Variants in SLC39A10 observed in about 807,000 individuals in gnomAD.
SLC39A10 encodes solute carrier family 39 member 10.
A neutral mutation model predicts 65.1 loss-of-function variants in SLC39A10; 13 were observed. The observed-to-expected ratio is 0.20, with a 90% confidence interval of 0.13 to 0.32. The LOEUF (loss-of-function observed/expected upper bound fraction) is 0.32, where lower values mean the gene tolerates loss of function less well. SLC39A10 is among the 10% of genes least tolerant of loss of function. The probability of loss-of-function intolerance (pLI) is 1.00; values close to 1 mark genes in which losing one functional copy is unlikely to be tolerated. For synonymous variants in SLC39A10, 321 were observed against 342.2 expected, an observed-to-expected ratio of 0.94 and a Z score of 0.68; for missense variants, 831 against 1,018.4, an observed-to-expected ratio of 0.82 and a Z score of 2.50.
intron 2 of SLC39A10, among the ~76,000 whole-genome samples, chr2:195,639,518 A>G (rs971163399): frequency 6.6e-6 from 1 of 152,172 alleles, no homozygotes; most frequent in African/African-American, 2.4e-5. Flanking sequence ...GTACTTTTTC[A>G]AAGGAAGTCA....
chr2:195,651,422 G>A (rs895767121), intron 2 of SLC39A10, among the ~76,000 whole-genome samples: 1 of 152,180 alleles, frequency 6.6e-6, no homozygotes, highest in African/African-American at 2.4e-5. Context: ...TAGCTATTAA[G>A]TTTGAGGCCT....
chr2:195,613,577 C>G (rs1294165214), intron 2 of SLC39A10, among the ~76,000 whole-genome samples: 1 of 152,110 alleles, frequency 6.6e-6, no homozygotes, highest in Non-Finnish European at 1.5e-5. Flanking sequence ...TTTATTTTTG[C>G]TCCTATGAAT....
chr2:195,678,707 A>G (rs533357703), intron 1 of SLC39A10, among the ~76,000 whole-genome samples: 1 of 152,186 alleles, frequency 6.6e-6, no homozygotes, highest in East Asian at 1.9e-4. Context: ...TACAGTAGCC[A>G]GTAGCCACAC....
At position 195,716,739 on chromosome 2, in the gene SLC39A10, A is replaced by G. The variant is rs752683203; in HGVS notation, c.1799A>G (p.Glu600Gly). The G allele has an allele frequency of 7.4e-6, 12 of 1,614,208 alleles. No homozygotes were observed. The highest frequency in any genetic ancestry group is 1.0e-5 in the Non-Finnish European group (12 of 1,180,026). ...CCTCCTAAAAATTACCTTTGTATAG[A>G]AGAGGAGAAAATCATAGACCATTCT... is the stretch of plus-strand genomic sequence containing the variant. ...ESPPKNYLCI[E>G]EEKIIDHSHS... The change falls in exon 7 of 10, where the codon GAA becomes GGA. Residue 600 changes from glutamate to glycine, a missense_variant. By Grantham distance (98) the Glu-to-Gly change is moderately conservative. Coordinates refer to ENST00000359634, the MANE Select transcript of SLC39A10 (RefSeq NM_020342.3).
At chr2:195,714,741 T>C (rs1165465156) in intron 6 of SLC39A10, among the ~76,000 whole-genome samples, 4 of 152,222 alleles carry the variant, frequency 2.6e-5, no homozygotes, top group Non-Finnish European at 5.9e-5. Flanking sequence ...CCAAATTTAG[T>C]TATTCTGTAA....
intron 3 of SLC39A10, among the ~76,000 whole-genome samples, chr2:195,690,919 T>C (rs1690714440): frequency 6.6e-6 from 1 of 152,168 alleles, no homozygotes; most frequent in African/African-American, 2.4e-5. Context: ...ATAAGTTCTT[T>C]AGTGGTGATT....
intron 2 of SLC39A10, among the ~76,000 whole-genome samples, chr2:195,620,703 G>C (rs1203983055): frequency 6.6e-6 from 1 of 152,182 alleles, no homozygotes; most frequent in Non-Finnish European, 1.5e-5. Context: ...GCCCCTTCAA[G>C]AGCCATTCAT....
At chr2:195,733,604 CACCGCA>C (rs1328808228) in intron 9 of SLC39A10, among the ~76,000 whole-genome samples, 1 of 151,936 alleles carries the variant, frequency 6.6e-6, no homozygotes, top group Non-Finnish European at 1.5e-5. Flanking sequence ...AATCTTGGCT[CACCGCA>C]ACCTCCGCCT....
At chr2:195,690,945 C>T (rs1690715150) in intron 3 of SLC39A10, among the ~76,000 whole-genome samples, 1 of 152,020 alleles carries the variant, frequency 6.6e-6, no homozygotes, top group Admixed American at 6.6e-5. Context: ...GATTTTGTTG[C>T]ACCCATCACC....
At chr2:195,691,857 G>A (rs1282971849) in intron 3 of SLC39A10, among the ~76,000 whole-genome samples, 2 of 152,210 alleles carry the variant, frequency 1.3e-5, no homozygotes, top group East Asian at 3.8e-4. Flanking sequence ...CTGTGCAGAA[G>A]CTTTTTAGTT....
In SLC39A10 at chr2:195,677,041, A is replaced by C. The variant is rs556178039; in HGVS notation, c.-11-2991A>C. Among the ~76,000 whole-genome samples, 4 of 152,290 alleles carry C rather than the reference A, an allele frequency of 2.6e-5. No individual in the cohort carries two copies. The East Asian group carries it at 7.7e-4, about 29-fold the overall frequency. On this transcript the variant is annotated intron_variant, in intron 1 of 9. Coordinates refer to ENST00000359634, the MANE Select transcript of SLC39A10 (RefSeq NM_020342.3). Reference sequence around the variant, plus strand: ...ACCATACAATGTTGTTTATAATTACATTTTGTGATTGGTTTTCAGTGAAGA... The same window carrying C: ...ACCATACAATGTTGTTTATAATTACCTTTTGTGATTGGTTTTCAGTGAAGA...
intron 2 of SLC39A10, among the ~76,000 whole-genome samples, chr2:195,648,595 T>C (rs1212378829): frequency 6.6e-6 from 1 of 152,088 alleles, no homozygotes; most frequent in East Asian, 1.9e-4. Flanking sequence ...GGAGGATCAC[T>C]TGAGTTTGGG....
chr2:195,670,438 T>C (rs1418341028), intron 1 of SLC39A10: 1 of 152,210 alleles, frequency 6.6e-6, no homozygotes, highest in Non-Finnish European at 1.5e-5. Context: ...ATCTTCTCTG[T>C]ATTTTTTCAA....
chr2:195,678,065 G>C (rs1158265967), intron 1 of SLC39A10, among the ~76,000 whole-genome samples: 1 of 152,136 alleles, frequency 6.6e-6, no homozygotes, highest in Admixed American at 6.5e-5. Context: ...AGTTTTGACT[G>C]TGATGAATAA....
intron 2 of SLC39A10, among the ~76,000 whole-genome samples, chr2:195,683,409 G>T (rs559429807): frequency 4.0e-4 from 61 of 152,104 alleles, no homozygotes; most frequent in African/African-American, 1.4e-3. Flanking sequence ...ATCATCCTAC[G>T]AGAGTCTTGG....
chr2:195,678,964 C>T (rs1028796156), intron 1 of SLC39A10, among the ~76,000 whole-genome samples: 4 of 152,068 alleles, frequency 2.6e-5, no homozygotes, highest in Admixed American at 2.6e-4. Context: ...TTTCTAGATT[C>T]TTGAAGTATG....
chr2:195,693,498 G>T (rs562060170), intron 3 of SLC39A10, among the ~76,000 whole-genome samples: 1 of 151,762 alleles, frequency 6.6e-6, no homozygotes, highest in Non-Finnish European at 1.5e-5. Context: ...TGTTATTGGT[G>T]TGTTTCTATA....
chr2:195,714,195 T>C (rs1388226667), intron 6 of SLC39A10, among the ~76,000 whole-genome samples: 1 of 152,146 alleles, frequency 6.6e-6, no homozygotes, highest in Non-Finnish European at 1.5e-5. Context: ...CCTCCCAAAG[T>C]GCTGGGATTA....
At chr2:195,696,887 T>C (rs1276118034) in intron 3 of SLC39A10, among the ~76,000 whole-genome samples, 1 of 152,188 alleles carries the variant, frequency 6.6e-6, no homozygotes, top group African/African-American at 2.4e-5. Context: ...AGTGAGAGTT[T>C]ATTGGAGAAA....
Sources: gnomAD v4.1 joint callset for allele counts (sites outside exome capture counted in the v4.1 genomes callset) on GRCh38, gnomAD v4.1.1 for gene constraint, MANE v1.5 for transcripts, NCBI Gene and HGNC (gene_info 2026-07-23, HGNC 2026-07-21) for gene names.